CD53: variants seen among roughly 807,000 people sequenced by gnomAD.
CD53 encodes leukocyte surface antigen CD53.
CD53 carries 20 observed loss-of-function variants against 27.3 expected under a neutral mutation model. The observed-to-expected ratio is 0.73, with a 90% CI of 0.52 to 1.07. The LOEUF (loss-of-function observed/expected upper bound fraction) is 1.07. Ranked by LOEUF, CD53 falls within the 50% of genes least tolerant of loss-of-function variation. The pLI is 0.00. For synonymous variants in CD53, 106 were observed against 105.3 expected (o/e 1.01, Z -0.04); for missense variants, 216 against 264.0 (o/e 0.82, Z 1.26).
At chr1:110,882,782 A>C (rs1656410044) in intron 1 of CD53, among the ~76,000 whole-genome samples, 1 of 151,994 alleles carries the variant, frequency 6.6e-6, no homozygotes, top group South Asian at 2.1e-4. Flanking sequence ...TTCTTTCACA[A>C]CTTTTGTCAG....
intron 7 of CD53, 135 bp downstream of exon 7, chr1:110,898,027 A>G (rs1313948635): frequency 3.9e-6 from 2 of 506,476 alleles, no homozygotes; most frequent in Non-Finnish European, 7.0e-6. Context: ...TCCCCCAGCC[A>G]AGTAGCAAAT....
chr1:110,871,823 A>ACACACG (rs1570890932), upstream of CD53, among the ~76,000 whole-genome samples: 1 of 151,202 alleles, frequency 6.6e-6, no homozygotes, highest in East Asian at 2.0e-4. Flanking sequence ...CTACACACAC[A>ACACACG]CACACACACA....
At chr1:110,894,450 G>A in intron 4 of CD53, 49 bp downstream of exon 4, 2 of 1,371,090 alleles carry the variant, frequency 1.5e-6, no homozygotes, top group Non-Finnish European at 2.1e-6. Flanking sequence ...AAAGTGGGGA[G>A]TATGCAGTGG....
intron 1 of CD53, among the ~76,000 whole-genome samples, chr1:110,886,868 T>TTTTC (rs1656630981): frequency 1.4e-4 from 6 of 41,450 alleles, no homozygotes; most frequent in African/African-American, 6.7e-4. Flanking sequence ...TATATATATA[T>TTTTC]ATTTTTTTTT....
At chr1:110,892,613 C>A in intron 3 of CD53, 80 bp downstream of exon 3, 2 of 1,101,692 alleles carry the variant, frequency 1.8e-6, no homozygotes, top group African/African-American at 1.6e-5. Flanking sequence ...CTTGGTAGAT[C>A]ACTTATAGGC....
intron 1 of CD53, among the ~76,000 whole-genome samples, chr1:110,887,550 T>G (rs1656676814): frequency 2.6e-5 from 4 of 152,232 alleles, no homozygotes; most frequent in Admixed American, 2.6e-4. Flanking sequence ...TAAATCTTAT[T>G]GAGCTTTGTT....
At chr1:110,890,316 C>T (rs186884305) in intron 1 of CD53, among the ~76,000 whole-genome samples, 36 of 152,296 alleles carry the variant, frequency 2.4e-4, no homozygotes, top group African/African-American at 6.7e-4. Flanking sequence ...CCTGTAATCC[C>T]AGCACTTTGG....
At chr1:110,884,762 C>CT (rs777332643) in intron 1 of CD53, among the ~76,000 whole-genome samples, 4 of 151,960 alleles carry the variant, frequency 2.6e-5, no homozygotes, top group Admixed American at 6.6e-5. Flanking sequence ...ACACTCCAGC[C>CT]TTTTTTTCCC....
rs184234851 is a variant in CD53 at position 110,873,932 on chromosome 1, T to C, written c.-18+684T>C. 1.9e-3 allele frequency among the ~76,000 whole-genome samples: 287 copies of C among 152,320 alleles called. 1 individual carries two copies. The highest frequency in any genetic ancestry group is 7.3e-3 in the Admixed American group (111 of 15,298). ...TGTACAAAACATGACCACTGATAAA[T>C]GTCACATGAAATGCACGTATAAAAT... On this transcript the variant is annotated intron_variant, in intron 1 of 7. Transcript: ENST00000271324.
chr1:110,896,547 C>A (rs1347387749), intron 5 of CD53, 106 bp from the exon 6 acceptor site: 1 of 1,010,658 alleles, frequency 9.9e-7, no homozygotes, highest in African/African-American at 1.6e-5. Context: ...TTCTGGACTT[C>A]TGCTATAGAG....
rs1051591515 is a variant in CD53, at chr1:110,891,265, A to C, written c.-17-127A>C. 2.1e-5 allele frequency: 14 copies of C among 675,202 alleles called. No homozygotes were observed. In the African/African-American group the frequency reaches 2.5e-4, roughly 12 times the overall value. 41.8% of individuals were successfully genotyped at this position (675,202 alleles called of 1,614,324 possible). A position where few individuals can be genotyped will look rare whatever the true frequency, so the allele number is the denominator to read the frequency against. Reference sequence around the variant, plus strand: ...ACTAGGAAAGCGCAGAGTTTGGGGAAACTTTCCAGAGGAGAGCCACAGCTC... The same window carrying C: ...ACTAGGAAAGCGCAGAGTTTGGGGACACTTTCCAGAGGAGAGCCACAGCTC... On this transcript the variant is annotated intron_variant, in intron 1 of 7. Coordinates refer to ENST00000271324, the MANE Select transcript of CD53 (RefSeq NM_000560.4).
chr1:110,874,430 CA>C (rs1656053883), intron 1 of CD53, among the ~76,000 whole-genome samples: 1 of 152,132 alleles, frequency 6.6e-6, no homozygotes. Context: ...ATTTGTCTAG[CA>C]AACAGTCCTA....
chr1:110,896,090 T>C (rs1557821332), intron 5 of CD53, among the ~76,000 whole-genome samples: 1 of 152,256 alleles, frequency 6.6e-6, no homozygotes, highest in Non-Finnish European at 1.5e-5. Flanking sequence ...TCTATAATAG[T>C]ACACCTCTTT....
intron 2 of CD53, among the ~76,000 whole-genome samples, 183 bp downstream of exon 2, chr1:110,891,654 C>A (rs1656859110): frequency 6.6e-6 from 1 of 152,082 alleles, no homozygotes; most frequent in African/African-American, 2.4e-5. Context: ...AATAAACCTG[C>A]AAAATTGAAA....
In CD53 at chr1:110,899,129, G is replaced by C; in HGVS notation, c.594G>C (p.Leu198Phe). The change falls in exon 8 of 8, where the codon TTG becomes TTC. Residue 198 changes from leucine to phenylalanine, a missense_variant. By Grantham distance (22) the Leu-to-Phe change is conservative. Coordinates refer to ENST00000271324, the MANE Select transcript of CD53 (RefSeq NM_000560.4). ...ITICVCVIEV[L>F]GMSFALTLNC... ...TTTCCCAACTCTTTTCACAGGTGTT[G>C]GGGATGTCCTTTGCACTGACCCTGA... The C allele has an allele frequency of 6.2e-7, 1 of 1,613,492 alleles. No homozygotes were observed. The highest frequency in any genetic ancestry group is 2.2e-5 in the East Asian group (1 of 44,876).
chr1:110,897,848 T>C lies in CD53; in HGVS notation c.544T>C (p.Phe182Leu), dbSNP rs1490932768. The C allele has an allele frequency of 6.2e-7, 1 of 1,612,558 alleles. No individual in the cohort carries two copies. The highest frequency in any genetic ancestry group is 8.5e-7 in the Non-Finnish European group (1 of 1,178,894). The part of the protein sequence containing the change: ...AKARLWFHSN[F>L]LYIGIITICV... The stretch of plus-strand genomic sequence containing the variant: ...AGCAAGACTGTGGTTTCATTCCAAT[T>C]TCCTGTATATCGGAATCATCACCAT... The change falls in exon 7 of 8, where the codon TTC becomes CTC. Residue 182 changes from phenylalanine to leucine, a missense_variant. Physicochemically the swap from Phe to Leu is conservative, Grantham distance 22. Transcript: ENST00000271324.
chr1:110,871,642 T>C (rs1181345935), upstream of CD53, among the ~76,000 whole-genome samples: 1 of 151,992 alleles, frequency 6.6e-6, no homozygotes. Context: ...GTGAGATAAT[T>C]AGGAAAATAT....
chr1:110,887,127 G>A (rs549439642), intron 1 of CD53, among the ~76,000 whole-genome samples: 1 of 151,230 alleles, frequency 6.6e-6, no homozygotes, highest in Non-Finnish European at 1.5e-5. Flanking sequence ...GCAGTGGCGC[G>A]ATCTCGGCTC....
intron 3 of CD53, among the ~76,000 whole-genome samples, chr1:110,894,012 A>G (rs1430432499): frequency 6.6e-6 from 1 of 152,172 alleles, no homozygotes; most frequent in Non-Finnish European, 1.5e-5. Context: ...CTTTTGCTTA[A>G]CTGCTTCAAT....
Sources: allele counts gnomAD v4.1 joint callset (sites outside exome capture counted in the v4.1 genomes callset), GRCh38; gene constraint gnomAD v4.1.1; transcripts MANE v1.5; gene names NCBI Gene and HGNC (gene_info 2026-07-23, HGNC 2026-07-21).